The following LRRC7 variants were observed in gnomAD, a reference collection of about 807,000 sequenced individuals.
The protein encoded by LRRC7 is leucine rich repeat containing 7.
Under a neutral mutation model 175.7 loss-of-function variants are expected in LRRC7, and 23 were observed. That is an observed-to-expected ratio of 0.13 (90% CI 0.09 to 0.19). The LOEUF (loss-of-function observed/expected upper bound fraction) is 0.19. Ranked by LOEUF, LRRC7 falls within the 10% of genes least tolerant of loss-of-function variation. The pLI, the probability that LRRC7 is intolerant of heterozygous loss-of-function variation, is 1.00. For synonymous variants in LRRC7, 685 were observed against 680.9 expected, an observed-to-expected ratio of 1.01 and a Z score of -0.09; for missense variants, 1,354 against 1,904.7, an observed-to-expected ratio of 0.71 and a Z score of 5.38.
At chr1:70,089,301 C>A (rs1276048571) in intron 24 of LRRC7, among the ~76,000 whole-genome samples, 1 of 152,104 alleles carries the variant, frequency 6.6e-6, no homozygotes, top group South Asian at 2.1e-4. Context: ...ATTTAAATAG[C>A]CATATTTTCT....
intron 2 of LRRC7, among the ~76,000 whole-genome samples, chr1:69,725,334 C>T (rs907881876): frequency 3.9e-5 from 6 of 151,980 alleles, no homozygotes; most frequent in Non-Finnish European, 7.4e-5. Flanking sequence ...TAAGTGGGCC[C>T]GTACAATTCA....
intron 3 of LRRC7, among the ~76,000 whole-genome samples, chr1:69,772,821 G>T (rs1672385873): frequency 6.6e-6 from 1 of 152,068 alleles, no homozygotes; most frequent in South Asian, 2.1e-4. Flanking sequence ...AGGAAAGAAG[G>T]GTTTTTGAAG....
chr1:69,718,113 G>GGAAGAA (rs1665855239), intron 2 of LRRC7, among the ~76,000 whole-genome samples: 1 of 75,652 alleles, frequency 1.3e-5, no homozygotes, highest in South Asian at 5.3e-4. Flanking sequence ...GAGAGAAAAA[G>GGAAGAA]AAAGAAAGAA....
chr1:69,802,140 T>C (rs1676587052), intron 4 of LRRC7, among the ~76,000 whole-genome samples: 1 of 151,562 alleles, frequency 6.6e-6, no homozygotes. Context: ...GCCTGTCATA[T>C]GGTCTATCTA....
At chr1:69,789,071 C>T (rs1674820082) in intron 3 of LRRC7, among the ~76,000 whole-genome samples, 1 of 151,980 alleles carries the variant, frequency 6.6e-6, no homozygotes, top group African/African-American at 2.4e-5. Context: ...TTTTTATTTT[C>T]AACTTTTGAG....
At chr1:69,905,553 C>T (rs907869640) in intron 7 of LRRC7, among the ~76,000 whole-genome samples, 21 of 152,214 alleles carry the variant, frequency 1.4e-4, no homozygotes, top group African/African-American at 4.8e-4. Context: ...TGATGGTTTC[C>T]AGTTTCATCC....
chr1:69,873,390 A>G (rs1453908524), intron 7 of LRRC7: 4 of 532,562 alleles, frequency 7.5e-6, no homozygotes, highest in Admixed American at 5.8e-5. Flanking sequence ...CTGTAAACCA[A>G]TTGGTAATTA....
At chr1:70,089,621 C>T (rs1324006577) in intron 24 of LRRC7, 106 bp from the exon 25 acceptor site, 1 of 755,562 alleles carries the variant, frequency 1.3e-6, no homozygotes, top group Non-Finnish European at 2.1e-6. Context: ...TAGGCTAACC[C>T]TAAGAAACCA....
chr1:69,892,765 C>G (rs529112268), intron 7 of LRRC7, among the ~76,000 whole-genome samples: 1 of 152,266 alleles, frequency 6.6e-6, no homozygotes, highest in East Asian at 1.9e-4. Context: ...AAAATTGAGT[C>G]TCAGAGAAAT....
chr1:70,032,269 G>A (rs952615889), intron 18 of LRRC7, among the ~76,000 whole-genome samples: 3 of 152,114 alleles, frequency 2.0e-5, no homozygotes, highest in Non-Finnish European at 4.4e-5. Flanking sequence ...GTGCCTCAGA[G>A]TACAGTTTGA....
chr1:69,666,943 A>G (rs1489739660), intron 1 of LRRC7, among the ~76,000 whole-genome samples: 3 of 152,080 alleles, frequency 2.0e-5, no homozygotes, highest in Non-Finnish European at 4.4e-5. Context: ...AGGCACTAAT[A>G]GCTATAAACT....
At chr1:69,694,363 T>C (rs1372968669) in intron 2 of LRRC7, among the ~76,000 whole-genome samples, 1 of 152,188 alleles carries the variant, frequency 6.6e-6, no homozygotes, top group African/African-American at 2.4e-5. Flanking sequence ...CATGCTGTAA[T>C]TCTCTAATTG....
chr1:69,618,405 C>T (rs146112805), intron 1 of LRRC7, among the ~76,000 whole-genome samples: 1 of 152,278 alleles, frequency 6.6e-6, no homozygotes, highest in Admixed American at 6.5e-5. Context: ...GTTTCAGCAA[C>T]TATACCCAAA....
At chr1:69,682,070 G>A (rs1557593560) in intron 2 of LRRC7, among the ~76,000 whole-genome samples, 1 of 152,076 alleles carries the variant, frequency 6.6e-6, no homozygotes, top group Non-Finnish European at 1.5e-5. Context: ...TTTCCTTGTG[G>A]TGGTATGACA....
intron 4 of LRRC7, among the ~76,000 whole-genome samples, chr1:69,798,527 C>A (rs944773516): frequency 4.6e-5 from 7 of 151,978 alleles, no homozygotes; most frequent in Middle Eastern, 3.2e-3. Context: ...TATTTATGCA[C>A]CTTTAATTTT....
At chr1:70,039,875 G>A (rs1274420398) in intron 21 of LRRC7, 82 bp downstream of exon 21, 10 of 1,421,086 alleles carry the variant, frequency 7.0e-6, no homozygotes, top group African/African-American at 2.9e-5. Flanking sequence ...ATGTAGTGAA[G>A]CATGAACTAC....
At chr1:69,637,714 T>C (rs1653613734) in intron 1 of LRRC7, among the ~76,000 whole-genome samples, 1 of 152,022 alleles carries the variant, frequency 6.6e-6, no homozygotes, top group Non-Finnish European at 1.5e-5. Context: ...CTTTACCTTA[T>C]GTAATCCATC....
At chr1:69,975,849 G>A (rs1175105226) in intron 8 of LRRC7, among the ~76,000 whole-genome samples, 1 of 150,982 alleles carries the variant, frequency 6.6e-6, no homozygotes, top group East Asian at 1.9e-4. Context: ...CCCTCCCCTT[G>A]TGCTGTCAAT....
At chr1:69,790,600 G>T (rs572077567) in intron 3 of LRRC7, among the ~76,000 whole-genome samples, 3 of 151,974 alleles carry the variant, frequency 2.0e-5, no homozygotes, top group African/African-American at 7.2e-5. Context: ...TTAAGTCTAT[G>T]AATCTGTAAC....
Sources: allele counts gnomAD v4.1 joint callset (sites outside exome capture counted in the v4.1 genomes callset), GRCh38; gene constraint gnomAD v4.1.1; transcripts MANE v1.5; gene names NCBI Gene and HGNC (gene_info 2026-07-23, HGNC 2026-07-21).